The following PLAAT1 variants were observed in gnomAD, a reference collection of about 807,000 sequenced individuals.
PLAAT1 encodes the protein H-REV107 protein-related protein.
In PLAAT1, 13 loss-of-function variants were observed where a neutral mutation model predicts 16.4. The observed-to-expected ratio is 0.79, with a 90% CI of 0.52 to 1.26. The LOEUF (loss-of-function observed/expected upper bound fraction) is 1.26. PLAAT1 is among the 50% of genes most tolerant of loss of function. The pLI, the probability that PLAAT1 is intolerant of heterozygous loss-of-function variation, is 0.00. For missense variants in PLAAT1, 218 were observed against 207.8 expected, an observed-to-expected ratio of 1.05 and a Z score of -0.30; for synonymous variants, 73 against 78.4, an observed-to-expected ratio of 0.93 and a Z score of 0.36.
At chr3:193,273,718 G>A (rs1268424751), downstream of PLAAT1, among the ~76,000 whole-genome samples, 1 of 152,140 alleles carries the variant, frequency 6.6e-6, no homozygotes, top group African/African-American at 2.4e-5. Flanking sequence ...CAAGTTTATG[G>A]TGAGGGTGAT....
chr3:193,253,506 T>C (rs1716267499), intron 1 of PLAAT1, among the ~76,000 whole-genome samples: 1 of 152,212 alleles, frequency 6.6e-6, no homozygotes, highest in Admixed American at 6.5e-5. Flanking sequence ...CAACAGTTTT[T>C]TTATCAGCTC....
chr3:193,272,825 A>AAGTT (rs10625138), downstream of PLAAT1, among the ~76,000 whole-genome samples: 137,262 of 152,014 alleles, frequency 0.9, 62,195 homozygotes, highest in East Asian at 0.98. Flanking sequence ...TTAGCTCACA[A>AAGTT]AGCCATCAGT....
intron 3 of PLAAT1, among the ~76,000 whole-genome samples, chr3:193,269,513 A>G (rs1343012743): frequency 1.3e-5 from 2 of 152,174 alleles, no homozygotes; most frequent in Non-Finnish European, 2.9e-5. Flanking sequence ...GGGAGGTAGC[A>G]TTGTGTTGCA....
Position 193,241,416 on chromosome 3 carries a change from A to G in PLAAT1, c.-118A>G. The G allele has an allele frequency of 1.6e-6, 2 of 1,231,762 alleles. No homozygotes were observed. Among genetic ancestry groups the G allele is most frequent in the Non-Finnish European group, 2.0e-6 (2 of 988,044 alleles). 76.3% of individuals were successfully genotyped at this position (1,231,762 alleles called of 1,614,324 possible). A position where few individuals can be genotyped will look rare whatever the true frequency, so the allele number is the denominator to read the frequency against. ...TGCCTCCCGGGTGTCTCCCGGGTAC[A>G]GATGGAGTCGTCCCGCGGCCGCCGG... is the stretch of plus-strand genomic sequence containing the variant. On this transcript the variant is annotated 5_prime_UTR_variant, in exon 1 of 4. Coordinates refer to ENST00000264735, the MANE Select transcript of PLAAT1 (RefSeq NM_020386.5).
At chr3:193,246,004 C>T (rs1015457693) in intron 1 of PLAAT1, among the ~76,000 whole-genome samples, 1 of 152,204 alleles carries the variant, frequency 6.6e-6, no homozygotes, top group South Asian at 2.1e-4. Context: ...ATGTCATCAA[C>T]AAACAGAAAT....
At chr3:193,265,010 G>A (rs1716729796) in intron 3 of PLAAT1, among the ~76,000 whole-genome samples, 1 of 152,206 alleles carries the variant, frequency 6.6e-6, no homozygotes, top group Non-Finnish European at 1.5e-5. Flanking sequence ...GATAGTAAGT[G>A]TTGGCAAGGA....
chr3:193,248,885 C>T (rs1045293187), intron 1 of PLAAT1, among the ~76,000 whole-genome samples: 1 of 152,082 alleles, frequency 6.6e-6, no homozygotes, highest in Non-Finnish European at 1.5e-5. Flanking sequence ...TATATACTTA[C>T]TTTTACCAGT....
intron 2 of PLAAT1, 131 bp downstream of exon 2, chr3:193,255,920 T>C (rs1348364824): frequency 1.7e-5 from 14 of 819,706 alleles, no homozygotes; most frequent in Non-Finnish European, 2.4e-5. Flanking sequence ...CCAACTAATC[T>C]AGGTTTAGAG....
chr3:193,268,029 G>C (rs1716839009), intron 3 of PLAAT1, among the ~76,000 whole-genome samples: 1 of 151,924 alleles, frequency 6.6e-6, no homozygotes, highest in East Asian at 1.9e-4. Context: ...TTTTAATTCA[G>C]CTGTTCATTT....
chr3:193,275,457 T>C (rs139832523), downstream of PLAAT1, among the ~76,000 whole-genome samples: 1 of 152,346 alleles, frequency 6.6e-6, no homozygotes, highest in African/African-American at 2.4e-5. Context: ...TCTGGAATTC[T>C]GCCCTTAAGA....
chr3:193,246,199 A>G (rs1259130254), intron 1 of PLAAT1, among the ~76,000 whole-genome samples: 1 of 152,112 alleles, frequency 6.6e-6, no homozygotes. Flanking sequence ...CTTGTCATAT[A>G]TGGCCTTTAT....
downstream of PLAAT1, chr3:193,279,591 T>C: frequency 1.5e-6 from 1 of 652,374 alleles, no homozygotes. Flanking sequence ...CTCATATGTT[T>C]TGAAATATGT....
downstream of PLAAT1, chr3:193,275,429 A>G (rs763241420): frequency 2.2e-4 from 241 of 1,077,996 alleles, no homozygotes; most frequent in Non-Finnish European, 2.9e-4. Flanking sequence ...TGTTGCATCT[A>G]CCTCTCCTTT....
intron 1 of PLAAT1, among the ~76,000 whole-genome samples, chr3:193,247,727 A>T (rs1204849115): frequency 6.6e-6 from 1 of 152,068 alleles, no homozygotes; most frequent in African/African-American, 2.4e-5. Context: ...TAATTTCCAC[A>T]TAGAGTTTTC....
intron 3 of PLAAT1, among the ~76,000 whole-genome samples, chr3:193,265,001 A>T (rs1716729712): frequency 1.3e-5 from 2 of 152,204 alleles, no homozygotes; most frequent in Admixed American, 1.3e-4. Context: ...AATACAAAAG[A>T]TAGTAAGTGT....
chr3:193,256,432 A>T (rs1716375349), intron 2 of PLAAT1, among the ~76,000 whole-genome samples: 1 of 152,212 alleles, frequency 6.6e-6, no homozygotes, highest in Non-Finnish European at 1.5e-5. Context: ...CTCTCTAGAG[A>T]TATAGTATCC....
chr3:193,254,361 T>G lies in PLAAT1; in HGVS notation c.1-1290T>G, dbSNP rs1716301025. Among the ~76,000 whole-genome samples, 4 of 152,284 alleles carry G rather than the reference T, an allele frequency of 2.6e-5. No individual in the cohort carries two copies. The East Asian group carries it at 5.8e-4, about 22-fold the overall frequency. ...TCTCTGCTATTATAATTTAGATGAT[T>G]TGGAAGTTTCTATTTCTGGCATGTG... On this transcript the variant is annotated intron_variant, in intron 1 of 3. Coordinates refer to ENST00000264735, the MANE Select transcript of PLAAT1 (RefSeq NM_020386.5).
intron 2 of PLAAT1, among the ~76,000 whole-genome samples, chr3:193,258,017 G>A (rs761715131): frequency 5.3e-5 from 8 of 152,090 alleles, no homozygotes; most frequent in Admixed American, 3.3e-4. Flanking sequence ...TTTGGGACTC[G>A]GACTGGCTTC....
At chr3:193,255,564 G>T in intron 1 of PLAAT1, 87 bp from the exon 2 acceptor site, 1 of 1,308,198 alleles carries the variant, frequency 7.6e-7, no homozygotes, top group Non-Finnish European at 1.0e-6. Flanking sequence ...AATAAATTCT[G>T]TATCATTCTG....
Sources: allele counts gnomAD v4.1 joint callset (sites outside exome capture counted in the v4.1 genomes callset), GRCh38; gene constraint gnomAD v4.1.1; transcripts MANE v1.5; gene names NCBI Gene and HGNC (gene_info 2026-07-23, HGNC 2026-07-21).